NEBL: variants seen among roughly 807,000 people sequenced by gnomAD.
NEBL encodes nebulette.
In NEBL, 122 loss-of-function variants were observed where a neutral mutation model predicts 140.2. That is an observed-to-expected ratio of 0.87 (90% confidence interval 0.75 to 1.01). The LOEUF (loss-of-function observed/expected upper bound fraction) is 1.01. Among genes scored for constraint, NEBL ranks in the 50% least tolerant of loss-of-function variants. NEBL has a pLI of 0.00. For synonymous variants in NEBL, 436 were observed against 398.9 expected (o/e 1.09, Z -1.11); for missense variants, 1,365 against 1,231.3 (o/e 1.11, Z -1.62).
intron 2 of NEBL, among the ~76,000 whole-genome samples, chr10:21,020,626 C>T (rs778322186): frequency 6.6e-6 from 1 of 152,152 alleles, no homozygotes; most frequent in Non-Finnish European, 1.5e-5. Flanking sequence ...TTCTGGCTTC[C>T]GTTTCTAGAA....
intron 3 of NEBL, among the ~76,000 whole-genome samples, chr10:21,219,472 T>C (rs1488523204): frequency 6.6e-6 from 1 of 152,192 alleles, no homozygotes; most frequent in Non-Finnish European, 1.5e-5. Flanking sequence ...AAAAAACAAC[T>C]GATATTTTTA....
intron 1 of NEBL, among the ~76,000 whole-genome samples, chr10:21,276,900 C>T (rs1490539345): frequency 2.0e-5 from 3 of 151,874 alleles, no homozygotes; most frequent in Non-Finnish European, 2.9e-5. Context: ...ACCTGAGAGG[C>T]GGAGGTTGCA....
intron 3 of NEBL, among the ~76,000 whole-genome samples, chr10:21,213,367 G>C (rs1265557090): frequency 1.3e-5 from 2 of 152,146 alleles, no homozygotes; most frequent in East Asian, 1.9e-4. Context: ...AAAACAGATG[G>C]AGATGTAGAG....
At chr10:20,862,527 C>G (rs1843822986) in intron 7 of NEBL, among the ~76,000 whole-genome samples, 1 of 152,218 alleles carries the variant, frequency 6.6e-6, no homozygotes, top group African/African-American at 2.4e-5. Context: ...GCCAACTACA[C>G]AGACACACTC....
At chr10:21,190,130 T>G (rs564690397) in intron 3 of NEBL, among the ~76,000 whole-genome samples, 2 of 152,114 alleles carry the variant, frequency 1.3e-5, no homozygotes, top group Non-Finnish European at 2.9e-5. Flanking sequence ...GCACAAAACT[T>G]GACATATTAT....
At chr10:21,235,785 A>G (rs1041515437) in intron 3 of NEBL, among the ~76,000 whole-genome samples, 1 of 152,212 alleles carries the variant, frequency 6.6e-6, no homozygotes, top group African/African-American at 2.4e-5. Context: ...TTGATTTTCA[A>G]CTATAATTAG....
intron 14 of NEBL, among the ~76,000 whole-genome samples, chr10:20,834,027 G>A (rs757352963): frequency 6.6e-6 from 1 of 152,140 alleles, no homozygotes; most frequent in Non-Finnish European, 1.5e-5. Flanking sequence ...GTTTTGGCCT[G>A]TAACGTTGAG....
At chr10:20,828,080 TAAAA>T (rs139196791) in intron 17 of NEBL, among the ~76,000 whole-genome samples, 1 of 147,164 alleles carries the variant, frequency 6.8e-6, no homozygotes, top group Admixed American at 6.8e-5. Context: ...AAATAAAAGT[TAAAA>T]AAAAAAGTGC....
intron 2 of NEBL, among the ~76,000 whole-genome samples, chr10:21,044,458 T>G (rs917101916): frequency 7.1e-6 from 1 of 140,674 alleles, no homozygotes. Flanking sequence ...TCAGATTTGG[T>G]CCTCTTTTTC....
At chr10:20,826,981 C>A (rs1337377977) in intron 17 of NEBL, among the ~76,000 whole-genome samples, 1 of 152,216 alleles carries the variant, frequency 6.6e-6, no homozygotes, top group Non-Finnish European at 1.5e-5. Context: ...ACATTCTCTT[C>A]CAAGAAAATG....
chr10:20,914,279 G>C (rs1282734865), intron 4 of NEBL, among the ~76,000 whole-genome samples: 1 of 152,184 alleles, frequency 6.6e-6, no homozygotes, highest in Non-Finnish European at 1.5e-5. Flanking sequence ...TACAGGCTAA[G>C]AAAACGTGTA....
intron 4 of NEBL, among the ~76,000 whole-genome samples, chr10:20,907,849 G>C (rs1848163253): frequency 2.6e-5 from 4 of 152,188 alleles, no homozygotes; most frequent in African/African-American, 7.2e-5. Flanking sequence ...CTTTAAAACT[G>C]CTGGAATCTT....
chr10:21,162,353 A>AG (rs34205144), intron 2 of NEBL, among the ~76,000 whole-genome samples: 38,643 of 151,902 alleles, frequency 0.25, 5,181 homozygotes, highest in East Asian at 0.35. Flanking sequence ...ATCAAATCTG[A>AG]GGGGGTCGTG....
At chr10:21,047,764 A>G (rs1239574212) in intron 2 of NEBL, among the ~76,000 whole-genome samples, 7 of 152,204 alleles carry the variant, frequency 4.6e-5, no homozygotes, top group Non-Finnish European at 8.8e-5. Flanking sequence ...GACTTTGACC[A>G]AATCACTTCA....
At chr10:20,844,547 A>G (rs1841725012) in intron 12 of NEBL, among the ~76,000 whole-genome samples, 1 of 151,256 alleles carries the variant, frequency 6.6e-6, no homozygotes, top group Non-Finnish European at 1.5e-5. Context: ...TGGACTATAG[A>G]CATGATATTT....
chr10:20,912,161 T>C (rs928786920), intron 4 of NEBL, among the ~76,000 whole-genome samples: 1 of 152,226 alleles, frequency 6.6e-6, no homozygotes, highest in Non-Finnish European at 1.5e-5. Context: ...AAAAATAAAC[T>C]AGATAACCAA....
chr10:20,936,060 C>T (rs925221295), intron 4 of NEBL, among the ~76,000 whole-genome samples: 1 of 152,212 alleles, frequency 6.6e-6, no homozygotes, highest in African/African-American at 2.4e-5. Flanking sequence ...GCTGCTACTT[C>T]TACAAATTCA....
At chr10:20,787,421 C>T (rs1400899185) in intron 26 of NEBL, 113 bp from the exon 27 acceptor site, 2 of 834,398 alleles carry the variant, frequency 2.4e-6, no homozygotes, top group Non-Finnish European at 2.0e-6. Context: ...AAACAAAATG[C>T]CTTTTCAGTG....
chr10:21,183,523 A>T (rs116695859), intron 3 of NEBL, among the ~76,000 whole-genome samples: 2,176 of 152,270 alleles, frequency 0.014, 38 homozygotes, highest in African/African-American at 0.032. Flanking sequence ...AGTGAACAAA[A>T]ACCAAGAGTC....
Sources: allele counts gnomAD v4.1 joint callset (sites outside exome capture counted in the v4.1 genomes callset), GRCh38; gene constraint gnomAD v4.1.1; transcripts MANE v1.5; gene names NCBI Gene and HGNC (gene_info 2026-07-23, HGNC 2026-07-21).